The following KCNQ5 variants were observed in gnomAD, a reference collection of about 807,000 sequenced individuals.
The protein encoded by KCNQ5 is potassium voltage-gated channel subfamily Q member 5, also known as potassium voltage-gated channel subfamily KQT member 5.
A neutral mutation model predicts 98.2 loss-of-function variants in KCNQ5; 30 were observed. That is an observed-to-expected ratio of 0.31 (90% CI 0.23 to 0.41). The LOEUF is 0.41. Among genes scored for constraint, KCNQ5 ranks in the 10% least tolerant of loss-of-function variants. KCNQ5 has a pLI of 1.00. For synonymous variants in KCNQ5, 458 were observed against 449.4 expected, an observed-to-expected ratio of 1.02 and a Z score of -0.24; for missense variants, 835 against 1,182.5, an observed-to-expected ratio of 0.71 and a Z score of 4.31.
intron 1 of KCNQ5, among the ~76,000 whole-genome samples, chr6:72,757,376 T>C (rs892827076): frequency 1.3e-5 from 2 of 152,182 alleles, no homozygotes; most frequent in Non-Finnish European, 2.9e-5. Context: ...CCTCCATTTA[T>C]GATGGGGTTA....
chr6:72,916,679 C>T (rs1011711105), intron 1 of KCNQ5, among the ~76,000 whole-genome samples: 3 of 152,140 alleles, frequency 2.0e-5, no homozygotes, highest in Non-Finnish European at 4.4e-5. Flanking sequence ...TTGAATTCTT[C>T]CCTTTCATAT....
At chr6:72,635,422 G>A (rs2098923459) in intron 1 of KCNQ5, among the ~76,000 whole-genome samples, 1 of 151,998 alleles carries the variant, frequency 6.6e-6, no homozygotes, top group Admixed American at 6.6e-5. Context: ...CTACAAAATA[G>A]CATCATTGCT....
At chr6:73,013,224 C>A (rs1770163804) in intron 2 of KCNQ5, among the ~76,000 whole-genome samples, 1 of 152,136 alleles carries the variant, frequency 6.6e-6, no homozygotes, top group Non-Finnish European at 1.5e-5. Flanking sequence ...TTCACAATAG[C>A]CACTTATTTC....
intron 1 of KCNQ5, among the ~76,000 whole-genome samples, chr6:72,845,279 T>C (rs1776972290): frequency 6.6e-6 from 1 of 152,126 alleles, no homozygotes; most frequent in Admixed American, 6.6e-5. Context: ...CTCCAGAGTC[T>C]TGTCCTAATG....
intron 1 of KCNQ5, among the ~76,000 whole-genome samples, chr6:72,647,212 C>A (rs1765635495): frequency 6.6e-6 from 1 of 152,174 alleles, no homozygotes; most frequent in Admixed American, 6.5e-5. Context: ...ACTATACTTT[C>A]TATCATGTGT....
At chr6:72,624,781 A>G (rs1045718627) in intron 1 of KCNQ5, among the ~76,000 whole-genome samples, 1 of 152,256 alleles carries the variant, frequency 6.6e-6, no homozygotes, top group Non-Finnish European at 1.5e-5. Flanking sequence ...CATTAGCACA[A>G]AGAGGGAATG....
At chr6:72,728,637 G>A (rs1770404389) in intron 1 of KCNQ5, among the ~76,000 whole-genome samples, 2 of 152,192 alleles carry the variant, frequency 1.3e-5, no homozygotes, top group African/African-American at 4.8e-5. Context: ...CTTTGATTAG[G>A]TGTTACTTCT....
At chr6:72,702,757 A>C (rs2154474705) in intron 1 of KCNQ5, among the ~76,000 whole-genome samples, 1 of 152,336 alleles carries the variant, frequency 6.6e-6, no homozygotes, top group African/African-American at 2.4e-5. Flanking sequence ...GATTTAAAAA[A>C]ATGGCCACTT....
At chr6:72,891,912 C>T (rs1377400020) in intron 1 of KCNQ5, among the ~76,000 whole-genome samples, 1 of 152,104 alleles carries the variant, frequency 6.6e-6, no homozygotes, top group Non-Finnish European at 1.5e-5. Flanking sequence ...GCTCTCAGAT[C>T]TTGGATTATA....
chr6:72,650,034 T>C (rs1278629053), intron 1 of KCNQ5, among the ~76,000 whole-genome samples: 1 of 152,158 alleles, frequency 6.6e-6, no homozygotes, highest in Non-Finnish European at 1.5e-5. Context: ...AATGACTGTT[T>C]TATAATGTTA....
chr6:72,943,181 C>A (rs562719305), intron 1 of KCNQ5, among the ~76,000 whole-genome samples: 1 of 152,084 alleles, frequency 6.6e-6, no homozygotes, highest in Non-Finnish European at 1.5e-5. Flanking sequence ...CAAAAGCATC[C>A]GCCTCTTATA....
intron 1 of KCNQ5, among the ~76,000 whole-genome samples, chr6:72,904,275 C>T (rs1581990031): frequency 6.6e-6 from 1 of 152,086 alleles, no homozygotes; most frequent in Non-Finnish European, 1.5e-5. Flanking sequence ...TTAAAGGCAG[C>T]AGATAGTTGG....
chr6:72,985,032 G>T (rs1768695653), intron 1 of KCNQ5, among the ~76,000 whole-genome samples: 1 of 152,146 alleles, frequency 6.6e-6, no homozygotes, highest in Non-Finnish European at 1.5e-5. Flanking sequence ...AAGTGAGACT[G>T]TCACTACAAA....
At chr6:72,933,299 C>T (rs1385279627) in intron 1 of KCNQ5, among the ~76,000 whole-genome samples, 2 of 152,188 alleles carry the variant, frequency 1.3e-5, no homozygotes, top group Non-Finnish European at 2.9e-5. Context: ...ATGAGATTAG[C>T]CTTTCCTGGC....
In KCNQ5 at chr6:73,004,898, G is replaced by C. The variant is rs151016665; in HGVS notation, c.489+900G>C. Among the ~76,000 whole-genome samples the C allele has an allele frequency of 1.2e-3, 176 of 152,282 alleles. 1 individual carries two copies. The highest frequency in any genetic ancestry group is 4.1e-3 in the African/African-American group (169 of 41,544). ...TATGTGCCCTAATAAGCAGAGGTTGGTTATGTTACAGCAATAAATATTGAA... is the reference window on the plus strand; with the variant it reads ...TATGTGCCCTAATAAGCAGAGGTTGCTTATGTTACAGCAATAAATATTGAA... On this transcript the variant is annotated intron_variant, in intron 2 of 13. Transcript: ENST00000370398.
At chr6:72,719,151 G>T (rs148360118) in intron 1 of KCNQ5, among the ~76,000 whole-genome samples, 100 of 152,240 alleles carry the variant, frequency 6.6e-4, no homozygotes, top group African/African-American at 2.1e-3. Flanking sequence ...TTCTAATCTT[G>T]CCCTGAACCA....
chr6:72,860,292 C>A (rs1345177799), intron 1 of KCNQ5, among the ~76,000 whole-genome samples: 1 of 152,122 alleles, frequency 6.6e-6, no homozygotes, highest in South Asian at 2.1e-4. Context: ...AAATACCTAA[C>A]CCTCTGAACT....
intron 1 of KCNQ5, among the ~76,000 whole-genome samples, chr6:72,844,211 G>A (rs1443900905): frequency 1.3e-5 from 2 of 152,154 alleles, no homozygotes; most frequent in East Asian, 1.9e-4. Context: ...GTGCTTTTTG[G>A]AGGGAATGAG....
chr6:72,697,821 C>T (rs932215224), intron 1 of KCNQ5, among the ~76,000 whole-genome samples: 2 of 151,956 alleles, frequency 1.3e-5, no homozygotes, highest in African/African-American at 4.8e-5. Flanking sequence ...TTGATTATGG[C>T]GATTATTTCA....
Sources: gnomAD v4.1 joint callset for allele counts (sites outside exome capture counted in the v4.1 genomes callset) on GRCh38, gnomAD v4.1.1 for gene constraint, MANE v1.5 for transcripts, NCBI Gene and HGNC (gene_info 2026-07-23, HGNC 2026-07-21) for gene names.